Variants in NRG3 observed in about 807,000 individuals in gnomAD.
The protein encoded by NRG3 is pro-neuregulin-3, membrane-bound isoform.
NRG3 carries 31 observed loss-of-function variants against 66.9 expected under a neutral mutation model. The ratio of observed to expected loss-of-function variants is 0.46; its 90% CI spans 0.35 to 0.63. The LOEUF is 0.63. NRG3 is among the 20% of genes least tolerant of loss of function. The pLI is 0.00. For missense variants in NRG3, 910 were observed against 878.9 expected, an observed-to-expected ratio of 1.04 and a Z score of -0.45; for synonymous variants, 393 against 359.4, an observed-to-expected ratio of 1.09 and a Z score of -1.06.
rs528082548 is a variant in NRG3, at chr10:82,029,388, A to G, written c.823+153225A>G. Among the ~76,000 whole-genome samples the G allele has an allele frequency of 3.3e-5, 5 of 152,242 alleles. No individual in the cohort carries two copies. In the East Asian group the frequency reaches 9.7e-4, roughly 30 times the overall value. On this transcript the variant is annotated intron_variant, in intron 1 of 8. Transcript: ENST00000372141. ...TAAATTAAATCATGTATACATATAT[A>G]AAGTGTTTGGCATGTAGTAAGGGAT... is the stretch of plus-strand genomic sequence containing the variant.
chr10:81,919,004 C>T (rs202109235), intron 1 of NRG3, among the ~76,000 whole-genome samples: 3 of 139,378 alleles, frequency 2.2e-5, no homozygotes, highest in African/African-American at 5.6e-5. Context: ...CATACATACA[C>T]ACACACACAC....
chr10:82,517,034 G>T (rs1845725572), intron 2 of NRG3, among the ~76,000 whole-genome samples: 1 of 152,094 alleles, frequency 6.6e-6, no homozygotes, highest in Non-Finnish European at 1.5e-5. Context: ...AAAAAAATGG[G>T]AATACATAAG....
In NRG3 at chr10:82,087,567, A is replaced by G. The variant is rs189960627; in HGVS notation, c.823+211404A>G. On this transcript the variant is annotated intron_variant, in intron 1 of 8. Transcript: ENST00000372141. ...CCATGTGTGTTTAATTTGTTGCCCC[A>G]CTTTGCCAGATCCATACAACATCAA... Among the ~76,000 whole-genome samples the G allele has an allele frequency of 2.2e-4, 33 of 152,198 alleles. 1 individual carries two copies. The highest frequency in any genetic ancestry group is 7.9e-4 in the African/African-American group (33 of 41,512).
chr10:82,589,072 C>T (rs535266057), intron 2 of NRG3, among the ~76,000 whole-genome samples: 6 of 152,230 alleles, frequency 3.9e-5, no homozygotes, highest in African/African-American at 1.4e-4. Flanking sequence ...CTCCTCTCTG[C>T]GTTACCCCAG....
intron 1 of NRG3, among the ~76,000 whole-genome samples, chr10:82,345,977 G>T (rs535885994): frequency 6.6e-6 from 1 of 152,092 alleles, no homozygotes; most frequent in Non-Finnish European, 1.5e-5. Context: ...GAGACAATGC[G>T]GTTTTCTAGA....
intron 1 of NRG3, among the ~76,000 whole-genome samples, chr10:82,086,085 C>T (rs1199488398): frequency 6.6e-6 from 1 of 151,462 alleles, no homozygotes; most frequent in Non-Finnish European, 1.5e-5. Context: ...GCACTGAAAC[C>T]AATAAGATTT....
intron 1 of NRG3, among the ~76,000 whole-genome samples, chr10:82,127,350 C>T (rs1374938972): frequency 6.6e-6 from 1 of 152,078 alleles, no homozygotes; most frequent in East Asian, 1.9e-4. Flanking sequence ...TGGTTGGCTT[C>T]TCTACCTGCA....
rs544926681 is a variant in NRG3 at position 81,924,726 on chromosome 10, C to T, written c.823+48563C>T. Among the ~76,000 whole-genome samples the T allele has an allele frequency of 1.3e-4, 20 of 152,258 alleles. No homozygotes were observed. The South Asian group carries it at 3.9e-3, about 30-fold the overall frequency. On this transcript the variant is annotated intron_variant, in intron 1 of 8. Transcript: ENST00000372141. ...TTTTAGGCCTTTTGTCCAGTGTGCT[C>T]ATTTGCTTCTTGGTTTGCTGGTATT...
chr10:81,877,853 A>G, intron 1 of NRG3: 24 of 1,496,336 alleles, frequency 1.6e-5, no homozygotes, highest in Non-Finnish European at 2.0e-5. Flanking sequence ...TTGTAGAAGG[A>G]TAAAGGATTC....
chr10:82,961,388 T>G (rs949594634), intron 6 of NRG3, among the ~76,000 whole-genome samples: 3 of 152,190 alleles, frequency 2.0e-5, no homozygotes, highest in African/African-American at 7.2e-5. Flanking sequence ...AAGAAACAAA[T>G]TAATATAAAT....
At chr10:82,648,766 C>T (rs2051166336) in intron 2 of NRG3, among the ~76,000 whole-genome samples, 1 of 152,074 alleles carries the variant, frequency 6.6e-6, no homozygotes, top group Non-Finnish European at 1.5e-5. Flanking sequence ...CTCTTTGAAG[C>T]AATTGTGAAT....
intron 2 of NRG3, among the ~76,000 whole-genome samples, chr10:82,602,434 T>G (rs991446629): frequency 6.6e-6 from 1 of 151,990 alleles, no homozygotes; most frequent in Non-Finnish European, 1.5e-5. Context: ...CCTCTACTTA[T>G]AGTATGAGTG....
intron 1 of NRG3, among the ~76,000 whole-genome samples, chr10:82,355,271 C>T (rs1469565937): frequency 7.2e-5 from 11 of 152,118 alleles, no homozygotes; most frequent in South Asian, 2.1e-4. Flanking sequence ...ACAAATGTTC[C>T]GTGTTTCTTC....
intron 1 of NRG3, among the ~76,000 whole-genome samples, chr10:82,012,344 C>G (rs1327867514): frequency 1.3e-5 from 2 of 151,594 alleles, no homozygotes; most frequent in Non-Finnish European, 1.5e-5. Flanking sequence ...TGGTCCCAGC[C>G]CATGAAACCA....
chr10:82,135,143 A>C (rs1025797335), intron 1 of NRG3, among the ~76,000 whole-genome samples: 1 of 151,484 alleles, frequency 6.6e-6, no homozygotes, highest in South Asian at 2.1e-4. Flanking sequence ...AAAAAATTCC[A>C]TATGAAATTA....
chr10:82,700,939 A>T (rs1202486301), intron 2 of NRG3, among the ~76,000 whole-genome samples: 1 of 152,160 alleles, frequency 6.6e-6, no homozygotes, highest in African/African-American at 2.4e-5. Flanking sequence ...TGAGGTTTTG[A>T]ATCATATTGC....
intron 2 of NRG3, among the ~76,000 whole-genome samples, chr10:82,718,775 G>T (rs1455930653): frequency 1.3e-5 from 2 of 152,102 alleles, no homozygotes; most frequent in East Asian, 3.9e-4. Context: ...AAGAGCCCCA[G>T]TCACTTCTTA....
At chr10:82,127,883 A>G (rs193170256) in intron 1 of NRG3, among the ~76,000 whole-genome samples, 2 of 152,068 alleles carry the variant, frequency 1.3e-5, no homozygotes, top group African/African-American at 4.8e-5. Flanking sequence ...GCTCCATAGG[A>G]AAGAAAAAGA....
chr10:82,741,316 A>T (rs1400343911), intron 3 of NRG3, among the ~76,000 whole-genome samples: 1 of 152,156 alleles, frequency 6.6e-6, no homozygotes, highest in African/African-American at 2.4e-5. Flanking sequence ...GGGGAAAAAC[A>T]TGTGGATATA....
Sources: gnomAD v4.1 joint callset for allele counts (sites outside exome capture counted in the v4.1 genomes callset) on GRCh38, gnomAD v4.1.1 for gene constraint, MANE v1.5 for transcripts, NCBI Gene and HGNC (gene_info 2026-07-23, HGNC 2026-07-21) for gene names.